CCDC141: variants seen among roughly 807,000 people sequenced by gnomAD.
The protein encoded by CCDC141 is coiled-coil domain containing 141.
CCDC141 carries 168 observed loss-of-function variants against 181.0 expected under a neutral mutation model. The observed-to-expected ratio is 0.93, with a 90% CI of 0.82 to 1.05. The LOEUF (loss-of-function observed/expected upper bound fraction) is 1.05. Among genes scored for constraint, CCDC141 ranks in the 50% least tolerant of loss-of-function variants. CCDC141 has a pLI of 0.00. For missense variants in CCDC141, 1,902 were observed against 1,788.5 expected (o/e 1.06, Z -1.14); for synonymous variants, 666 against 642.3 (o/e 1.04, Z -0.56).
At chr2:178,897,751 GGTTTTTGTAT>G (rs1408528244) in intron 8 of CCDC141, among the ~76,000 whole-genome samples, 4 of 152,110 alleles carry the variant, frequency 2.6e-5, no homozygotes, top group African/African-American at 9.7e-5. Flanking sequence ...GGTTTTGCTG[GGTTTTTGTAT>G]GTTTTTGAGC....
intron 2 of CCDC141, among the ~76,000 whole-genome samples, chr2:179,006,110 G>C (rs1296085943): frequency 6.6e-6 from 1 of 152,196 alleles, no homozygotes; most frequent in Non-Finnish European, 1.5e-5. Context: ...GCAGCTTCAA[G>C]GCTGAAACAA....
At chr2:178,887,309 T>C (rs1309414477) in intron 9 of CCDC141, among the ~76,000 whole-genome samples, 1 of 152,156 alleles carries the variant, frequency 6.6e-6, no homozygotes, top group African/African-American at 2.4e-5. Context: ...AGAGGGACTC[T>C]GGGGGAGCAC....
At chr2:178,909,687 T>C (rs1180319933) in intron 7 of CCDC141, among the ~76,000 whole-genome samples, 2 of 152,118 alleles carry the variant, frequency 1.3e-5, no homozygotes, top group African/African-American at 4.8e-5. Context: ...TAGAACTGAG[T>C]GCTTTTCTAT....
chr2:178,905,478 A>C lies in CCDC141; in HGVS notation c.1116T>G (p.Val372=). ...ANKAFDVLGR[V]EAYLKLLKSE... is the part of the protein sequence containing the mutation. ...ATTTAAGGAGCTTAAGGTAAGCTTC[A>C]ACTCTTCCAAGTACATCAAATGCCT... The change falls in exon 8 of 24, where the codon GTT becomes GTG. Residue 372 remains valine (V), a synonymous_variant. Coordinates refer to ENST00000443758, the MANE Select transcript of CCDC141 (RefSeq NM_173648.4). The C allele has an allele frequency of 1.3e-6, 2 of 1,549,584 alleles. No individual in the cohort carries two copies. The highest frequency in any genetic ancestry group is 1.2e-5 in the South Asian group (1 of 83,564).
chr2:178,841,911 G>A lies in CCDC141; in HGVS notation c.3474+3715C>T, dbSNP rs146645222. Among the ~76,000 whole-genome samples, 719 of 152,324 alleles carry A rather than the reference G, an allele frequency of 4.7e-3. 3 individuals are homozygous for A. The highest frequency in any genetic ancestry group is 0.016 in the African/African-American group (670 of 41,576). On this transcript the variant is annotated intron_variant, in intron 22 of 23. Coordinates refer to ENST00000443758, the MANE Select transcript of CCDC141 (RefSeq NM_173648.4). ...GCCTCCCAAAGTGCTGGGGTTACAG[G>A]CGTAAGCTACAGCACCCAGCCAGAA...
At chr2:178,961,825 G>T (rs1161395780) in intron 4 of CCDC141, among the ~76,000 whole-genome samples, 2 of 152,230 alleles carry the variant, frequency 1.3e-5, no homozygotes, top group Non-Finnish European at 2.9e-5. Context: ...TCTACATTCT[G>T]AGGTGATTGG....
intron 2 of CCDC141, among the ~76,000 whole-genome samples, chr2:179,046,706 T>C (rs527459895): frequency 3.3e-5 from 5 of 152,322 alleles, no homozygotes; most frequent in African/African-American, 1.2e-4. Flanking sequence ...TCCCACAGAT[T>C]ATGTAGCTGG....
chr2:178,980,030 A>G (rs554820567), intron 2 of CCDC141, among the ~76,000 whole-genome samples: 2 of 152,326 alleles, frequency 1.3e-5, no homozygotes, highest in African/African-American at 4.8e-5. Flanking sequence ...AGGGGGATAA[A>G]CTGATTTAAT....
intron 7 of CCDC141, among the ~76,000 whole-genome samples, chr2:178,916,226 C>T (rs533207275): frequency 9.3e-4 from 142 of 152,222 alleles, no homozygotes; most frequent in African/African-American, 3.2e-3. Flanking sequence ...GGAGATAATT[C>T]ATTATATAAA....
intron 6 of CCDC141, among the ~76,000 whole-genome samples, chr2:178,944,126 A>G (rs1444195679): frequency 6.6e-6 from 1 of 152,204 alleles, no homozygotes; most frequent in Non-Finnish European, 1.5e-5. Flanking sequence ...CTGAATTTCA[A>G]ATCTGCCACT....
chr2:178,926,033 T>A (rs765165724), intron 6 of CCDC141, among the ~76,000 whole-genome samples: 15 of 152,164 alleles, frequency 9.9e-5, no homozygotes, highest in African/African-American at 2.7e-4. Context: ...TAGACTTTTT[T>A]AAAAAGGCTC....
chr2:178,999,738 C>T (rs893914643), intron 2 of CCDC141, among the ~76,000 whole-genome samples: 2 of 151,930 alleles, frequency 1.3e-5, no homozygotes, highest in African/African-American at 2.4e-5. Flanking sequence ...GAATACCCTT[C>T]CTTTTGGCCT....
At position 178,875,104 on chromosome 2, in the gene CCDC141, T is replaced by C. The variant is rs991593234; in HGVS notation, c.1900-2792A>G. 2.0e-5 allele frequency: 3 copies of C among 152,268 alleles called. No homozygotes were observed. The East Asian group carries it at 5.8e-4, about 29-fold the overall frequency. The allele number at this position is 152,268 out of a possible 1,614,324, so 9.4% of individuals were successfully genotyped here. Reference sequence around the variant, plus strand: ...ATTGGCTTGAGTGATTGCCCACCAATGCCTGCCTGGAGAAAGAAGGGTGAC... The same window carrying C: ...ATTGGCTTGAGTGATTGCCCACCAACGCCTGCCTGGAGAAAGAAGGGTGAC... On this transcript the variant is annotated intron_variant, in intron 12 of 23. Coordinates refer to ENST00000443758, the MANE Select transcript of CCDC141 (RefSeq NM_173648.4).
chr2:178,960,055 A>T (rs1347418154), intron 5 of CCDC141, among the ~76,000 whole-genome samples: 1 of 152,214 alleles, frequency 6.6e-6, no homozygotes, highest in Non-Finnish European at 1.5e-5. Context: ...TGGGGATGTT[A>T]TACTGGTATC....
chr2:178,915,095 C>A (rs1478727419), intron 7 of CCDC141, among the ~76,000 whole-genome samples: 1 of 151,914 alleles, frequency 6.6e-6, no homozygotes, highest in Non-Finnish European at 1.5e-5. Context: ...ATTACCTGAG[C>A]CCCGGAGGTC....
chr2:179,040,186 A>T (rs534506435), intron 2 of CCDC141, among the ~76,000 whole-genome samples: 8 of 152,166 alleles, frequency 5.3e-5, no homozygotes, highest in Non-Finnish European at 8.8e-5. Context: ...TTGTGGTAAG[A>T]TCCACAACAA....
At chr2:179,030,632 C>T (rs1019454679) in intron 2 of CCDC141, among the ~76,000 whole-genome samples, 1 of 151,900 alleles carries the variant, frequency 6.6e-6, no homozygotes, top group Non-Finnish European at 1.5e-5. Flanking sequence ...TTGCAAAATG[C>T]TTATATAATT....
intron 5 of CCDC141, among the ~76,000 whole-genome samples, chr2:178,946,951 C>CA (rs1689757604): frequency 1.3e-5 from 2 of 152,200 alleles, no homozygotes; most frequent in African/African-American, 4.8e-5. Flanking sequence ...TGGAAAGAAA[C>CA]ATAAAAACAA....
chr2:179,044,057 T>A (rs960196109), intron 2 of CCDC141, among the ~76,000 whole-genome samples: 6 of 152,052 alleles, frequency 3.9e-5, no homozygotes, highest in African/African-American at 1.4e-4. Context: ...CCATTCACAA[T>A]TGCCACAAAA....
Sources: gnomAD v4.1 joint callset for allele counts (sites outside exome capture counted in the v4.1 genomes callset) on GRCh38, gnomAD v4.1.1 for gene constraint, MANE v1.5 for transcripts, NCBI Gene and HGNC (gene_info 2026-07-23, HGNC 2026-07-21) for gene names.